AQP10: variants seen among roughly 807,000 people sequenced by gnomAD.
AQP10 encodes the protein aquaporin-10.
A neutral mutation model predicts 21.0 loss-of-function variants in AQP10; 15 were observed. That is an observed-to-expected ratio of 0.71 (90% CI 0.48 to 1.10). The LOEUF is 1.10. Among genes scored for constraint, AQP10 ranks in the 50% least tolerant of loss-of-function variants. The pLI is 0.00. For synonymous variants in AQP10, 143 were observed against 155.7 expected (o/e 0.92, Z 0.61); for missense variants, 268 against 379.5 (o/e 0.71, Z 2.44).
chr1:154,324,547 T>A lies in AQP10; in HGVS notation c.*67T>A, dbSNP rs3892533. 1 of 1,490,996 alleles carries A rather than the reference T, an allele frequency of 6.7e-7. No homozygotes were observed. The highest frequency in any genetic ancestry group is 9.1e-7 in the Non-Finnish European group (1 of 1,094,538). 92.4% of individuals were successfully genotyped at this position (1,490,996 alleles called of 1,614,324 possible). A position where few individuals can be genotyped will look rare whatever the true frequency, so the allele number is the denominator to read the frequency against. On this transcript the variant is annotated 3_prime_UTR_variant, in exon 6 of 6. Coordinates refer to ENST00000324978, the MANE Select transcript of AQP10 (RefSeq NM_080429.3). Reference sequence around the variant, plus strand: ...CACTGACCCCGCCTGGGAACAACAGTCATTCTTCCTCTTTGTTAATGTGCC... The same window carrying A: ...CACTGACCCCGCCTGGGAACAACAGACATTCTTCCTCTTTGTTAATGTGCC...
chr1:154,322,183 C>A, intron 2 of AQP10, 124 bp downstream of exon 2: 7 of 1,426,916 alleles, frequency 4.9e-6, no homozygotes, highest in Non-Finnish European at 6.6e-6. Context: ...AACAGTGTCC[C>A]AGACTGAAAT....
At chr1:154,322,283 A>G (rs1293253710) in intron 2 of AQP10, among the ~76,000 whole-genome samples, 3 of 152,072 alleles carry the variant, frequency 2.0e-5, no homozygotes, top group African/African-American at 7.2e-5. Context: ...ACAGAAATCA[A>G]TGGCAGGGCA....
chr1:154,323,228 C>T lies in AQP10; in HGVS notation c.371-13C>T, dbSNP rs779460726. ...GCAAAGAGGGAAATCCTGGGTGTTC[C>T]CTTCCTCCACAGATGCCCTACAGAA... On this transcript the variant is annotated splice_polypyrimidine_tract_variant and intron_variant, in intron 3 of 5. Transcript: ENST00000324978. This position sits in a 1 kb window ranked among gnomAD's most constrained non-coding sequence, Gnocchi z 4.5. The T allele has an allele frequency of 6.2e-7, 1 of 1,613,866 alleles. No homozygotes were observed. Among genetic ancestry groups the T allele is most frequent in the Admixed American group, 1.7e-5 (1 of 60,014 alleles).
rs748209434 is a variant in AQP10 at position 154,323,542 on chromosome 1, A to C, written c.490-47A>C. The C allele has an allele frequency of 6.3e-7, 1 of 1,582,576 alleles. No homozygotes were observed. Among genetic ancestry groups the C allele is most frequent in the East Asian group, 2.2e-5 (1 of 44,548 alleles). On this transcript the variant is annotated intron_variant, in intron 4 of 5. Coordinates refer to ENST00000324978, the MANE Select transcript of AQP10 (RefSeq NM_080429.3). The surrounding 1 kb of genome is among the most constrained non-coding windows in gnomAD (Gnocchi z 4.5). ...TATTTGGATGAGAGAGGGCAGATGG[A>C]GCACCTGGCAGCTGACAGGGAACCC... is the stretch of plus-strand genomic sequence containing the variant.
chr1:154,323,446 G>A lies in AQP10; in HGVS notation c.489+87G>A, dbSNP rs1485166438. ...ATTGTTCAGTCTCTGGGTGGAGTGT[G>A]GGTTGGGTCTATCTTGGCACTCCCC... On this transcript the variant is annotated intron_variant, in intron 4 of 5. Transcript: ENST00000324978. The surrounding 1 kb of genome is among the most constrained non-coding windows in gnomAD (Gnocchi z 4.5). 1.3e-6 allele frequency: 2 copies of A among 1,508,234 alleles called. No homozygotes were observed. The highest frequency in any genetic ancestry group is 1.4e-5 in the African/African-American group (1 of 72,802). 93.4% of individuals were successfully genotyped at this position (1,508,234 alleles called of 1,614,324 possible).
rs772586313 is a variant in AQP10, at chr1:154,324,460, A to T, written c.886A>T (p.Met296Leu). ...GTTGGAAACTCCTGCCTCAGCTCAG[A>T]TGCTGGAGTGTAAGCTATGATTAGG... ...SELETPASAQ[M>L]LECKL The change falls in exon 6 of 6, where the codon ATG becomes TTG. Residue 296 changes from methionine (M) to leucine (L), a missense_variant. By Grantham distance (15) the Met-to-Leu change is conservative. Transcript: ENST00000324978. 1.2e-6 allele frequency: 2 copies of T among 1,613,606 alleles called. No individual in the cohort carries two copies. The highest frequency in any genetic ancestry group is 1.7e-6 in the Non-Finnish European group (2 of 1,179,914).
intron 1 of AQP10, 110 bp downstream of exon 1, chr1:154,321,370 A>T: frequency 1.3e-6 from 1 of 769,906 alleles, no homozygotes; most frequent in South Asian, 2.0e-5. Context: ...TCAACTCCCT[A>T]TCACTTTTCG....
In AQP10 at chr1:154,321,279, G is replaced by A. The variant is rs1685636277; in HGVS notation, c.105+19G>A. The A allele has an allele frequency of 5.0e-6, 8 of 1,600,846 alleles. No individual in the cohort carries two copies. Among genetic ancestry groups the A allele is most frequent in the Non-Finnish European group, 6.8e-6 (8 of 1,172,900 alleles). On this transcript the variant is annotated intron_variant, in intron 1 of 5. Coordinates refer to ENST00000324978, the MANE Select transcript of AQP10 (RefSeq NM_080429.3). ...ACTCATGGTAGGTAGGATCACTGCG[G>A]GAAGGAAAGAAGGGGGTTGGGCAAA...
rs751048077 is a variant in AQP10 at position 154,323,702 on chromosome 1, C to T, written c.603C>T (p.Leu201=). 5.1e-5 allele frequency: 82 copies of T among 1,614,066 alleles called. No homozygotes were observed. The highest frequency in any genetic ancestry group is 6.4e-5 in the Non-Finnish European group (76 of 1,180,042). ...PVVVGMLILA[L]GLSMGANCGI... is the part of the protein sequence containing the mutation. ...TGGTGGGGATGCTGATCCTGGCCCTCGGGTTATCCATGGGTGCCAACTGCG... is the reference window on the plus strand; with the variant it reads ...TGGTGGGGATGCTGATCCTGGCCCTTGGGTTATCCATGGGTGCCAACTGCG... Residue 201 remains leucine (L), a synonymous_variant, in exon 5 of 6, where the codon CTC becomes CTT. Transcript: ENST00000324978. The surrounding 1 kb of genome is among the most constrained non-coding windows in gnomAD (Gnocchi z 4.5).
intron 2 of AQP10, among the ~76,000 whole-genome samples, chr1:154,322,481 G>GTCT (rs746975027): frequency 0.014 from 1,749 of 129,126 alleles, 71 homozygotes; most frequent in African/African-American, 0.033. Context: ...GATTCACAGT[G>GTCT]TCTTCTTCTT....
chr1:154,323,856 A>T lies in AQP10; in HGVS notation c.707+50A>T. Reference sequence around the variant, plus strand: ...TGGCCTCCACTCACCTTCCTCTGCTAAGGGCTCTGTCCCTGGGTCCACAGC... The same window carrying T: ...TGGCCTCCACTCACCTTCCTCTGCTTAGGGCTCTGTCCCTGGGTCCACAGC... On this transcript the variant is annotated intron_variant, in intron 5 of 5. Coordinates refer to ENST00000324978, the MANE Select transcript of AQP10 (RefSeq NM_080429.3). The surrounding 1 kb of genome is among the most constrained non-coding windows in gnomAD (Gnocchi z 4.5). The T allele has an allele frequency of 6.3e-7, 1 of 1,596,860 alleles. No homozygotes were observed. Among genetic ancestry groups the T allele is most frequent in the Non-Finnish European group, 8.5e-7 (1 of 1,171,418 alleles).
chr1:154,324,377 A>T lies in AQP10; in HGVS notation c.803A>T (p.His268Leu), dbSNP rs1383807810. ...TACCAGCTGTTGGTGGCTCTGCACC[A>T]CCCTGAGGGCCCAGAGCCAGCTCAG... is the stretch of plus-strand genomic sequence containing the variant. ...ATYQLLVALH[H>L]PEGPEPAQDL... is the part of the protein sequence containing the mutation. The change falls in exon 6 of 6, where the codon CAC (histidine) becomes CTC (leucine). Residue 268 changes from histidine (H) to leucine (L), a missense_variant. Coordinates refer to ENST00000324978, the MANE Select transcript of AQP10 (RefSeq NM_080429.3). 1 of 1,613,216 alleles carries T rather than the reference A, an allele frequency of 6.2e-7. No individual in the cohort carries two copies. The highest frequency in any genetic ancestry group is 2.2e-5 in the East Asian group (1 of 44,842).
chr1:154,324,223 G>T, intron 5 of AQP10, 59 bp from the exon 6 acceptor site: 1 of 1,458,716 alleles, frequency 6.9e-7, no homozygotes, highest in Non-Finnish European at 9.1e-7. Context: ...CCCCGTCCTT[G>T]GAGAGGGGAA....
chr1:154,323,236 C>T lies in AQP10; in HGVS notation c.371-5C>T. On this transcript the variant is annotated splice_region_variant and splice_polypyrimidine_tract_variant and intron_variant, in intron 3 of 5. Transcript: ENST00000324978. This position sits in a 1 kb window ranked among gnomAD's most constrained non-coding sequence, Gnocchi z 4.5. ...GGAAATCCTGGGTGTTCCCTTCCTCCACAGATGCCCTACAGAACTATACAG... is the reference window on the plus strand; with the variant it reads ...GGAAATCCTGGGTGTTCCCTTCCTCTACAGATGCCCTACAGAACTATACAG... 1 of 1,614,056 alleles carries T rather than the reference C, an allele frequency of 6.2e-7. No individual in the cohort carries two copies. The highest frequency in any genetic ancestry group is 8.5e-7 in the Non-Finnish European group (1 of 1,179,928).
intron 1 of AQP10, 110 bp downstream of exon 1, chr1:154,321,370 A>G (rs1266217499): frequency 2.6e-6 from 2 of 769,906 alleles, no homozygotes; most frequent in East Asian, 3.0e-5. Flanking sequence ...TCAACTCCCT[A>G]TCACTTTTCG....
Position 154,323,094 on chromosome 1 carries a change from G to T in AQP10, c.345G>T (p.Ser115=). The change falls in exon 3 of 6, where the codon TCG becomes TCT. Residue 115 remains serine, a synonymous_variant. Coordinates refer to ENST00000324978, the MANE Select transcript of AQP10 (RefSeq NM_080429.3). This position sits in a 1 kb window ranked among gnomAD's most constrained non-coding sequence, Gnocchi z 4.5. The stretch of plus-strand genomic sequence containing the variant: ...AGTTGCTGTCTGCTTTCTGTGCTTC[G>T]GGAGCCACCTATGTTCTCTACCATG... ...LVQLLSAFCA[S]GATYVLYHDA... 1.2e-6 allele frequency: 2 copies of T among 1,614,104 alleles called. No homozygotes were observed. Among genetic ancestry groups the T allele is most frequent in the African/African-American group, 2.7e-5 (2 of 74,998 alleles).
chr1:154,323,134 AGAGG>A lies in AQP10; in HGVS notation c.370+19_370+22del, dbSNP rs1383745999. 2 of 1,614,176 alleles carry A rather than the reference AGAGG, an allele frequency of 1.2e-6. No individual in the cohort carries two copies. The highest frequency in any genetic ancestry group is 1.7e-6 in the Non-Finnish European group (2 of 1,180,018). ...TCTCTACCATGGTGACAGAGGGAAC[AGAGG>A]GAGCTGTGCCTTGAGAGCACCTGTG... On this transcript the variant is annotated intron_variant, in intron 3 of 5. Coordinates refer to ENST00000324978, the MANE Select transcript of AQP10 (RefSeq NM_080429.3). This position sits in a 1 kb window ranked among gnomAD's most constrained non-coding sequence, Gnocchi z 4.5.
rs1052103322 is a variant in AQP10, at chr1:154,321,358, T to C, written c.105+98T>C. 3.8e-5 allele frequency: 34 copies of C among 884,422 alleles called. No homozygotes were observed. The African/African-American group carries it at 5.6e-4, about 15-fold the overall frequency. 54.8% of individuals were successfully genotyped at this position (884,422 alleles called of 1,614,324 possible). On this transcript the variant is annotated intron_variant, in intron 1 of 5. Transcript: ENST00000324978. ...CTCTTTCTCTTGGTGTCCCCCTTCC[T>C]CTCAACTCCCTATCACTTTTCGTTT...
chr1:154,323,280 C>A lies in AQP10; in HGVS notation c.410C>A (p.Thr137Asn). The change falls in exon 4 of 6, where the codon ACT becomes AAT. Residue 137 changes from threonine (T) to asparagine (N), a missense_variant. Thr to Asn is a moderately conservative substitution (Grantham distance 65). Around this residue, in one of 3 missense-constraint regions of AQP10, gnomAD observed 229 missense variants for 295.1 expected, o/e 0.78. Coordinates refer to ENST00000324978, the MANE Select transcript of AQP10 (RefSeq NM_080429.3). The surrounding 1 kb of genome is among the most constrained non-coding windows in gnomAD (Gnocchi z 4.5). Reference protein sequence around the residue: ...QNYTGGNLTVTGPKETASIFA... With the variant: ...QNYTGGNLTVNGPKETASIFA... ...TATACAGGTGGGAACCTGACAGTGA[C>A]TGGCCCCAAGGAGACAGCCTCCATT... The A allele has an allele frequency of 6.2e-7, 1 of 1,614,218 alleles. No homozygotes were observed. The highest frequency in any genetic ancestry group is 8.5e-7 in the Non-Finnish European group (1 of 1,180,024).
Sources: gnomAD v4.1 joint callset for allele counts (sites outside exome capture counted in the v4.1 genomes callset) on GRCh38, gnomAD v4.1.1 for gene constraint, gnomAD v4.1.1 regional missense constraint, Gnocchi (gnomAD v3.1) non-coding constraint, MANE v1.5 for transcripts, NCBI Gene and HGNC (gene_info 2026-07-23, HGNC 2026-07-21) for gene names.